SETMAR: variants seen among roughly 807,000 people sequenced by gnomAD.
SETMAR encodes SET and mariner transposase domain methyltransferase.
SETMAR carries 44 observed loss-of-function variants against 58.4 expected under a neutral mutation model. That is an observed-to-expected ratio of 0.75 (90% CI 0.59 to 0.97). The LOEUF (loss-of-function observed/expected upper bound fraction) is 0.97. Ranked by LOEUF, SETMAR falls within the 50% of genes least tolerant of loss-of-function variation. The pLI, the probability that SETMAR is intolerant of heterozygous loss-of-function variation, is 0.00. For missense variants in SETMAR, 903 were observed against 840.2 expected (o/e 1.07, Z -0.92); for synonymous variants, 332 against 307.4 (o/e 1.08, Z -0.84).
In SETMAR at chr3:4,307,532, C is replaced by G. The variant is rs111810746; in HGVS notation, c.156+4006C>G. 3.1e-3 allele frequency among the ~76,000 whole-genome samples: 469 copies of G among 152,288 alleles called. 6 individuals are homozygous for G. Among genetic ancestry groups the G allele is most frequent in the African/African-American group, 0.011 (448 of 41,548 alleles). Reference sequence around the variant, plus strand: ...AGTTCAGAGAAGAAAGAAATTGTTGCAGACAGGAATAGCCAAGACAAGAGT... The same window carrying G: ...AGTTCAGAGAAGAAAGAAATTGTTGGAGACAGGAATAGCCAAGACAAGAGT... On this transcript the variant is annotated intron_variant, in intron 1 of 2. Coordinates refer to ENST00000358065, the MANE Select transcript of SETMAR (RefSeq NM_006515.4).
At chr3:4,314,100 G>A (rs1485883429) in intron 2 of SETMAR, 2 of 386,170 alleles carry the variant, frequency 5.2e-6, no homozygotes, top group Non-Finnish European at 9.4e-6. Context: ...ACTGGAACTG[G>A]AGCAGTCATC....
Position 4,316,650 on chromosome 3 carries a change from C to G in SETMAR, c.1459C>G (p.Pro487Ala). Residue 487 changes from proline (P) to alanine (A), a missense_variant, in exon 3 of 3, where the codon CCA becomes GCA. Pro to Ala is a conservative substitution (Grantham distance 27). Transcript: ENST00000358065. ...TCTTATTCTACGCAACCACAACGAA[C>G]CATTTCTCGATCGGATTGTGACGTG... ...SSLILRNHNEPFLDRIVTCDE... is the reference protein window; with the variant it reads ...SSLILRNHNEAFLDRIVTCDE... 6.4e-7 allele frequency: 1 copy of G among 1,551,204 alleles called. No individual in the cohort carries two copies. Among genetic ancestry groups the G allele is most frequent in the Non-Finnish European group, 8.7e-7 (1 of 1,146,760 alleles).
intron 1 of SETMAR, 63 bp downstream of exon 1, chr3:4,303,589 G>GCCGCCTCGCTGGGA (rs1698043370): frequency 7.3e-7 from 1 of 1,377,364 alleles, no homozygotes; most frequent in East Asian, 3.1e-5. Flanking sequence ...GTCTCCTCAA[G>GCCGCCTCGCTGGGA]CCGCCTCGCT....
chr3:4,316,261 T>G lies in SETMAR; in HGVS notation c.1070T>G (p.Phe357Cys). The G allele has an allele frequency of 1.2e-6, 1 of 814,860 alleles. No homozygotes were observed. The highest frequency in any genetic ancestry group is 2.0e-6 in the Non-Finnish European group (1 of 489,780). 50.5% of individuals were successfully genotyped at this position (814,860 alleles called of 1,614,324 possible). A position where few individuals can be genotyped will look rare whatever the true frequency, so the allele number is the denominator to read the frequency against. The change falls in exon 3 of 3, where the codon TTC becomes TGC. Residue 357 changes from phenylalanine to cysteine, a missense_variant. Transcript: ENST00000358065. ...DKKQIRAIFLFEFKMGRKAAE... is the reference protein window; with the variant it reads ...DKKQIRAIFLCEFKMGRKAAE... Reference sequence around the variant, plus strand: ...AAGCAAATTCGAGCAATTTTCTTATTCGAGTTCAAAATGGGTCGTAAAGCA... The same window carrying G: ...AAGCAAATTCGAGCAATTTTCTTATGCGAGTTCAAAATGGGTCGTAAAGCA...
chr3:4,313,990 C>T, intron 2 of SETMAR: 1 of 766,928 alleles, frequency 1.3e-6, no homozygotes, highest in East Asian at 2.7e-5. Context: ...AGTGACTGTT[C>T]TAGTTAATAG....
chr3:4,313,719 A>T lies in SETMAR; in HGVS notation c.978A>T (p.Ser326=). Residue 326 remains serine, a synonymous_variant, in exon 2 of 3, where the codon TCA becomes TCT. Coordinates refer to ENST00000358065, the MANE Select transcript of SETMAR (RefSeq NM_006515.4). ...AGAAGGAACCCAGCATGTGTGGCTC[A>T]GCCCCTTCTGTGTTCCCCTCCTGCA... ...GNEKEPSMCG[S]APSVFPSCKR... 6.2e-7 allele frequency: 1 copy of T among 1,614,066 alleles called. No individual in the cohort carries two copies.
chr3:4,314,612 A>C (rs543512202), intron 2 of SETMAR, among the ~76,000 whole-genome samples: 38 of 152,316 alleles, frequency 2.5e-4, no homozygotes, highest in Non-Finnish European at 4.9e-4. Flanking sequence ...AATCTTGTGA[A>C]GTTATGCTTC....
At chr3:4,303,825 CG>C in intron 1 of SETMAR, 3 of 1,362,936 alleles carry the variant, frequency 2.2e-6, no homozygotes, top group East Asian at 4.4e-5. Context: ...GGAGGCATCA[CG>C]GGGGGAGTCA....
rs112486538 is a variant in SETMAR at position 4,304,869 on chromosome 3, G to A, written c.156+1343G>A. On this transcript the variant is annotated intron_variant, in intron 1 of 2. Transcript: ENST00000358065. ...GAGAACATGTGTCCCAGGTGGTTAG[G>A]GCACAGCCTGGTTTTATACATGTTT... 2.0e-5 allele frequency among the ~76,000 whole-genome samples: 3 copies of A among 152,060 alleles called. 1 individual carries two copies. Among genetic ancestry groups the A allele is most frequent in the African/African-American group, 7.2e-5 (3 of 41,484 alleles).
At chr3:4,309,076 A>C (rs541635115) in intron 1 of SETMAR, among the ~76,000 whole-genome samples, 2 of 152,316 alleles carry the variant, frequency 1.3e-5, no homozygotes, top group East Asian at 3.9e-4. Flanking sequence ...TCTGATTAAC[A>C]GTTTGCTTGA....
chr3:4,304,591 G>A (rs6792019), intron 1 of SETMAR, among the ~76,000 whole-genome samples: 5,437 of 152,250 alleles, frequency 0.036, 262 homozygotes, highest in African/African-American at 0.1. Context: ...CCCAGAGCCT[G>A]AGTTTCTTCA....
chr3:4,317,133 G>A lies in SETMAR; in HGVS notation c.1942G>A (p.Ala648Thr). 6.5e-7 allele frequency: 1 copy of A among 1,546,696 alleles called. No individual in the cohort carries two copies. Among genetic ancestry groups the A allele is most frequent in the Non-Finnish European group, 8.7e-7 (1 of 1,144,122 alleles). ...RFHNQQDAEN[A>T]FQEFVESQST... ...CCACAACCAGCAGGATGCAGAAAAT[G>A]CTTTCCAAGAGTTCGTCGAATCCCA... The change falls in exon 3 of 3, where the codon GCT becomes ACT. Residue 648 changes from alanine (A) to threonine (T), a missense_variant. Transcript: ENST00000358065.
intron 2 of SETMAR, among the ~76,000 whole-genome samples, chr3:4,315,963 C>T (rs1192716926): frequency 6.7e-6 from 1 of 149,036 alleles, no homozygotes; most frequent in Non-Finnish European, 1.5e-5. Context: ...ACGAGAATCA[C>T]TTGAGCCCAG....
At chr3:4,303,692 T>C in intron 1 of SETMAR, 166 bp downstream of exon 1, 1 of 1,499,740 alleles carries the variant, frequency 6.7e-7, no homozygotes, top group East Asian at 2.7e-5. Flanking sequence ...CTGGGCCTTT[T>C]TCTGTTGACC....
intron 1 of SETMAR, among the ~76,000 whole-genome samples, chr3:4,308,688 A>T (rs1698287213): frequency 6.6e-6 from 1 of 152,208 alleles, no homozygotes; most frequent in South Asian, 2.1e-4. Flanking sequence ...CATGTTCTGC[A>T]CTAGGAAGCT....
At position 4,317,063 on chromosome 3, in the gene SETMAR, C is replaced by T. The variant is rs376412839; in HGVS notation, c.1872C>T (p.Tyr624=). Residue 624 remains tyrosine, a synonymous_variant, in exon 3 of 3, where the codon TAC becomes TAT. Coordinates refer to ENST00000358065, the MANE Select transcript of SETMAR (RefSeq NM_006515.4). The stretch of plus-strand genomic sequence containing the variant: ...CACCTGACCTCTTGCCAACCAACTA[C>T]CACGTCTTTAAGCATCTCAACAACT... ...PYSPDLLPTN[Y]HVFKHLNNFL... 9.7e-5 allele frequency: 150 copies of T among 1,549,180 alleles called. No homozygotes were observed. The highest frequency in any genetic ancestry group is 3.9e-5 in the Admixed American group (2 of 50,966).
chr3:4,308,038 AT>A (rs1435942788), intron 1 of SETMAR, among the ~76,000 whole-genome samples: 1 of 152,100 alleles, frequency 6.6e-6, no homozygotes, highest in African/African-American at 2.4e-5. Flanking sequence ...AAAAAAAAAA[AT>A]CCCATTCTCC....
At chr3:4,314,680 C>G (rs1698565028) in intron 2 of SETMAR, among the ~76,000 whole-genome samples, 1 of 152,148 alleles carries the variant, frequency 6.6e-6, no homozygotes, top group African/African-American at 2.4e-5. Flanking sequence ...CCTGTCCACA[C>G]CACAGAAGGA....
intron 1 of SETMAR, 148 bp from the exon 2 acceptor site, chr3:4,312,750 G>A: frequency 1.2e-6 from 1 of 842,916 alleles, no homozygotes; most frequent in Non-Finnish European, 1.7e-6. Context: ...GATGTTTTTG[G>A]ACAATATCTT....
Sources: gnomAD v4.1 joint callset for allele counts (sites outside exome capture counted in the v4.1 genomes callset) on GRCh38, gnomAD v4.1.1 for gene constraint, MANE v1.5 for transcripts, NCBI Gene and HGNC (gene_info 2026-07-23, HGNC 2026-07-21) for gene names.